The following ANKMY1 variants were observed in gnomAD, a reference collection of about 807,000 sequenced individuals.
ANKMY1 encodes the protein ankyrin repeat and MYND domain-containing protein 1.
Under a neutral mutation model 102.0 loss-of-function variants are expected in ANKMY1, and 98 were observed. The observed-to-expected ratio is 0.96, with a 90% confidence interval of 0.82 to 1.14. The LOEUF (loss-of-function observed/expected upper bound fraction) is 1.14, where lower values mean the gene tolerates loss of function less well. Ranked by LOEUF, ANKMY1 falls within the 50% of genes most tolerant of loss-of-function variation. The pLI, the probability that ANKMY1 is intolerant of heterozygous loss-of-function variation, is 0.00. For synonymous variants in ANKMY1, 582 were observed against 559.9 expected (o/e 1.04, Z -0.56); for missense variants, 1,330 against 1,347.6 (o/e 0.99, Z 0.20).
chr2:240,521,304 C>A (rs1005984912), intron 8 of ANKMY1, among the ~76,000 whole-genome samples: 3 of 151,314 alleles, frequency 2.0e-5, no homozygotes, highest in African/African-American at 7.4e-5. Context: ...GTCTCCAGAC[C>A]CGTCTCCAGA....
chr2:240,537,005 G>A (rs545842897), intron 4 of ANKMY1, among the ~76,000 whole-genome samples: 2 of 151,962 alleles, frequency 1.3e-5, no homozygotes, highest in South Asian at 4.2e-4. Context: ...GATCACAGTC[G>A]TGAGCCACCG....
chr2:240,471,591 CAAG>C, the ANKMY1 span, among the ~76,000 whole-genome samples: 5 of 151,842 alleles, frequency 3.3e-5, no homozygotes, highest in East Asian at 1.9e-4. Flanking sequence ...AAAGAAAAAA[CAAG>C]GAGATTGGAA....
At chr2:240,507,417 C>G (rs1436145078) in intron 13 of ANKMY1, 143 bp downstream of exon 13, 4 of 917,376 alleles carry the variant, frequency 4.4e-6, no homozygotes, top group Non-Finnish European at 5.9e-6. Flanking sequence ...CCCAGGGCCA[C>G]CCAGCCCTTA....
Position 240,520,255 on chromosome 2 carries a change from C to T in ANKMY1, c.2004+107G>A. 6.8e-7 allele frequency: 1 copy of T among 1,477,260 alleles called. No homozygotes were observed. Among genetic ancestry groups the T allele is most frequent in the South Asian group, 1.3e-5 (1 of 78,136 alleles). The allele number at this position is 1,477,260 out of a possible 1,614,324, so 91.5% of individuals were successfully genotyped here. On this transcript the variant is annotated intron_variant, in intron 9 of 17. Coordinates refer to ENST00000401804, the MANE Select transcript of ANKMY1 (RefSeq NM_001282771.3). This position sits in a 1 kb window ranked among gnomAD's most constrained non-coding sequence, Gnocchi z 4.8. The stretch of plus-strand genomic sequence containing the variant: ...CACTCACAGCCCAGGTGGTCGCCTG[C>T]AAGAGCCCACCCCTCTCTTCCGCGC...
rs1291337633 is a variant in ANKMY1 at position 240,479,633 on chromosome 2, G to A, written c.3069C>T (p.Ser1023=). ...VAIVTQLEQV[S]RRREEFQ The stretch of plus-strand genomic sequence containing the variant: ...TTCACTGGAATTCTTCTCTCCTCCT[G>A]GAAACTTGCTCCAGTTGTGTCACTG... Residue 1023 remains serine (S), a synonymous_variant, in exon 18 of 18, where the codon TCC becomes TCT. Transcript: ENST00000401804. 2 of 1,613,710 alleles carry A rather than the reference G, an allele frequency of 1.2e-6. No individual in the cohort carries two copies. The highest frequency in any genetic ancestry group is 2.2e-5 in the East Asian group (1 of 44,876).
intron 9 of ANKMY1, among the ~76,000 whole-genome samples, chr2:240,517,106 C>T (rs1431180026): frequency 6.6e-6 from 1 of 152,180 alleles, no homozygotes; most frequent in African/African-American, 2.4e-5. Context: ...TATTTGTTTG[C>T]ATACATTTAT....
chr2:240,557,247 T>C lies in ANKMY1; in HGVS notation c.89A>G (p.Glu30Gly), dbSNP rs376270924. The change falls in exon 2 of 18, where the codon GAG becomes GGG. Residue 30 changes from glutamate to glycine, a missense_variant. By Grantham distance (98) the Glu-to-Gly change is moderately conservative (BLOSUM62 -2). Coordinates refer to ENST00000401804, the MANE Select transcript of ANKMY1 (RefSeq NM_001282771.3). ...RQRPLEGKGGETPAAEEPGSL... is the reference protein window; with the variant it reads ...RQRPLEGKGGGTPAAEEPGSL... Reference sequence around the variant, plus strand: ...CCCCGGCTCCTCGGCAGCAGGGGTCTCGCCGCCCTTCCCCTCTAGCGGGCG... The same window carrying C: ...CCCCGGCTCCTCGGCAGCAGGGGTCCCGCCGCCCTTCCCCTCTAGCGGGCG... The C allele has an allele frequency of 2.6e-5, 41 of 1,594,936 alleles. No homozygotes were observed. Among genetic ancestry groups the C allele is most frequent in the South Asian group, 1.2e-4 (11 of 88,814 alleles).
At chr2:240,492,501 G>A (rs939851790) in intron 15 of ANKMY1, among the ~76,000 whole-genome samples, 15 of 151,994 alleles carry the variant, frequency 9.9e-5, no homozygotes, top group East Asian at 3.8e-4. Flanking sequence ...CTAGTCTATC[G>A]TTGATGCTTT....
At position 240,556,065 on chromosome 2, in the gene ANKMY1, GT is replaced by G. The variant is rs552429662; in HGVS notation, c.147-1011del. On this transcript the variant is annotated intron_variant, in intron 2 of 17. Transcript: ENST00000401804. ...CGCCTTCTCATTGGCTCCCCACATG[GT>G]AGTGAGAGAGGATGGGGGAACTCTG... Among the ~76,000 whole-genome samples the G allele has an allele frequency of 2.0e-4, 30 of 152,276 alleles. No individual in the cohort carries two copies. In the South Asian group the frequency reaches 5.6e-3, roughly 28 times the overall value.
At position 240,520,544 on chromosome 2, in the gene ANKMY1, C is replaced by T. The variant is rs772095664; in HGVS notation, c.1833-11G>A. 5 of 1,606,328 alleles carry T rather than the reference C, an allele frequency of 3.1e-6. No homozygotes were observed. The highest frequency in any genetic ancestry group is 1.7e-5 in the Admixed American group (1 of 59,352). ...CAGCGCTTCCTCCGCCTGAAAAAGA[C>T]GGTGCGCCCGTGGGCCCCTGGAGGG... On this transcript the variant is annotated splice_polypyrimidine_tract_variant and intron_variant, in intron 8 of 17. Coordinates refer to ENST00000401804, the MANE Select transcript of ANKMY1 (RefSeq NM_001282771.3). This position sits in a 1 kb window ranked among gnomAD's most constrained non-coding sequence, Gnocchi z 4.8.
chr2:240,524,487 A>G, intron 7 of ANKMY1, 106 bp from the exon 8 acceptor site: 1 of 1,298,156 alleles, frequency 7.7e-7, no homozygotes, highest in Non-Finnish European at 1.0e-6. Flanking sequence ...AGCTGTCTTC[A>G]AAGCAGCTAG....
At chr2:240,491,706 T>A (rs2076677290) in intron 15 of ANKMY1, among the ~76,000 whole-genome samples, 1 of 152,154 alleles carries the variant, frequency 6.6e-6, no homozygotes, top group South Asian at 2.1e-4. Flanking sequence ...GTGGCAGCGT[T>A]TTTTTTCTTT....
intron 13 of ANKMY1, 105 bp from the exon 14 acceptor site, chr2:240,500,670 G>C (rs1030001289): frequency 1.1e-6 from 1 of 938,230 alleles, no homozygotes; most frequent in East Asian, 2.5e-5. Context: ...TCCCCACCAA[G>C]GCCGCCCTTG....
At chr2:240,557,037 GAC>G (rs2092423220) in intron 2 of ANKMY1, among the ~76,000 whole-genome samples, 151 bp downstream of exon 2, 1 of 152,130 alleles carries the variant, frequency 6.6e-6, no homozygotes, top group Non-Finnish European at 1.5e-5. Context: ...GTAGGTTGCT[GAC>G]ACAGTGTTGA....
chr2:240,486,346 CAT>C (rs1032914745), intron 15 of ANKMY1, among the ~76,000 whole-genome samples: 14 of 152,046 alleles, frequency 9.2e-5, no homozygotes, highest in African/African-American at 7.2e-5. Context: ...TCAATGCATA[CAT>C]ATATATATAC....
chr2:240,475,790 T>C (rs2074814836), downstream of ANKMY1, among the ~76,000 whole-genome samples: 1 of 151,884 alleles, frequency 6.6e-6, no homozygotes, highest in Non-Finnish European at 1.5e-5. Context: ...ATACCATAAA[T>C]ATATAAATAC....
intron 15 of ANKMY1, among the ~76,000 whole-genome samples, chr2:240,493,130 T>G (rs2076838620): frequency 6.6e-6 from 1 of 151,244 alleles, no homozygotes; most frequent in South Asian, 2.1e-4. Flanking sequence ...GAGACCAGCC[T>G]GACCAATATG....
intron 4 of ANKMY1, among the ~76,000 whole-genome samples, chr2:240,533,718 AACACACACACACACAC>A (rs34916770): frequency 6.9e-6 from 1 of 145,528 alleles, no homozygotes; most frequent in Non-Finnish European, 1.5e-5. Context: ...GATTTCAATA[AACACACACACACACAC>A]ACACACACAC....
At chr2:240,475,030 C>CGA (rs1472459403), downstream of ANKMY1, among the ~76,000 whole-genome samples, 1 of 152,204 alleles carries the variant, frequency 6.6e-6, no homozygotes, top group African/African-American at 2.4e-5. Context: ...AACTAATTTA[C>CGA]ATTCCCACCA....
Sources: allele counts gnomAD v4.1 joint callset (sites outside exome capture counted in the v4.1 genomes callset), GRCh38; gene constraint gnomAD v4.1.1; non-coding constraint Gnocchi (gnomAD v3.1); transcripts MANE v1.5; gene names NCBI Gene and HGNC (gene_info 2026-07-23, HGNC 2026-07-21).